Variants in UBE2E2 observed in about 807,000 individuals in gnomAD.
UBE2E2 encodes the protein ubiquitin conjugating enzyme E2 E2.
In UBE2E2, 6 loss-of-function variants were observed where a neutral mutation model predicts 24.7. The observed-to-expected ratio is 0.24, with a 90% CI of 0.13 to 0.48. UBE2E2 has a LOEUF of 0.48. Among genes scored for constraint, UBE2E2 ranks in the 20% least tolerant of loss-of-function variants. The pLI, the probability that UBE2E2 is intolerant of heterozygous loss-of-function variation, is 0.99. For synonymous variants in UBE2E2, 104 were observed against 83.6 expected (o/e 1.24, Z -1.33); for missense variants, 169 against 245.0 (o/e 0.69, Z 2.07).
At chr3:23,319,950 A>G (rs936986872) in intron 3 of UBE2E2, among the ~76,000 whole-genome samples, 1 of 152,162 alleles carries the variant, frequency 6.6e-6, no homozygotes, top group Non-Finnish European at 1.5e-5. Context: ...TGAGATCCCT[A>G]AGATCTGGCT....
At chr3:23,452,479 A>G (rs1698582602) in intron 3 of UBE2E2, among the ~76,000 whole-genome samples, 1 of 152,154 alleles carries the variant, frequency 6.6e-6, no homozygotes, top group African/African-American at 2.4e-5. Flanking sequence ...AAAATTTTTG[A>G]GAGACTTTAG....
chr3:23,398,595 G>A (rs1697137928), intron 3 of UBE2E2, among the ~76,000 whole-genome samples: 1 of 152,164 alleles, frequency 6.6e-6, no homozygotes, highest in African/African-American at 2.4e-5. Flanking sequence ...TTAAAGGAAT[G>A]TGTGTCTTAA....
At chr3:23,281,902 A>G (rs1327799988) in intron 3 of UBE2E2, among the ~76,000 whole-genome samples, 2 of 152,252 alleles carry the variant, frequency 1.3e-5, no homozygotes, top group East Asian at 1.9e-4. Flanking sequence ...GAAATAAAAC[A>G]TCAACTGCCA....
At chr3:23,342,187 G>GTTTT (rs71620774) in intron 3 of UBE2E2, among the ~76,000 whole-genome samples, 4 of 141,772 alleles carry the variant, frequency 2.8e-5, no homozygotes, top group Admixed American at 7.1e-5. Flanking sequence ...ATTTAGTTTA[G>GTTTT]TTTTTTTTTT....
Position 23,589,713 on chromosome 3 carries a change from C to A in UBE2E2, c.509-21C>A. 3 of 1,613,328 alleles carry A rather than the reference C, an allele frequency of 1.9e-6. No homozygotes were observed. The highest frequency in any genetic ancestry group is 1.3e-5 in the African/African-American group (1 of 75,016). On this transcript the variant is annotated intron_variant, in intron 5 of 5. Transcript: ENST00000396703. This position sits in a 1 kb window ranked among gnomAD's most constrained non-coding sequence, Gnocchi z 4.1. ...CCACAGTGCTGGTATTTACTGACTC[C>A]CAACTCTGCTTTCCTTGCAGCTGAC...
At chr3:23,502,067 A>T (rs1292454670) in intron 4 of UBE2E2, among the ~76,000 whole-genome samples, 1 of 152,140 alleles carries the variant, frequency 6.6e-6, no homozygotes, top group Admixed American at 6.5e-5. Context: ...GGGAGAAAAA[A>T]CTTGGGGTGT....
chr3:23,533,683 G>A (rs1330867272), intron 5 of UBE2E2, among the ~76,000 whole-genome samples: 1 of 137,932 alleles, frequency 7.2e-6, no homozygotes, highest in Non-Finnish European at 1.5e-5. Flanking sequence ...GAGTGCAGTG[G>A]CACGATCTTG....
intron 3 of UBE2E2, among the ~76,000 whole-genome samples, chr3:23,312,331 TAATAATCATATCAGGGTA>T (rs1694429267): frequency 6.6e-6 from 1 of 152,198 alleles, no homozygotes; most frequent in Admixed American, 6.6e-5. Context: ...ATACAATGCA[TAATAATCATATCAGGGTA>T]AATGTATTCC....
intron 3 of UBE2E2, among the ~76,000 whole-genome samples, chr3:23,332,591 A>C (rs1695086977): frequency 6.6e-6 from 1 of 152,154 alleles, no homozygotes; most frequent in Non-Finnish European, 1.5e-5. Flanking sequence ...AACGAAAGAA[A>C]ATAATTGTGA....
intron 3 of UBE2E2, among the ~76,000 whole-genome samples, chr3:23,223,033 T>C (rs1696703068): frequency 7.5e-6 from 1 of 133,128 alleles, no homozygotes; most frequent in South Asian, 3.0e-4. Flanking sequence ...CCCTTTTTTT[T>C]TTTTTTTGAG....
intron 3 of UBE2E2, among the ~76,000 whole-genome samples, chr3:23,428,088 C>G (rs1185004977): frequency 6.6e-6 from 1 of 152,198 alleles, no homozygotes; most frequent in East Asian, 1.9e-4. Flanking sequence ...AATCCGTTTA[C>G]TACATTATAC....
At chr3:23,318,926 C>T (rs1207557535) in intron 3 of UBE2E2, among the ~76,000 whole-genome samples, 1 of 152,174 alleles carries the variant, frequency 6.6e-6, no homozygotes, top group Non-Finnish European at 1.5e-5. Context: ...AAATTAATTT[C>T]TCTTTACATA....
At chr3:23,570,113 C>T (rs1470197099) in intron 5 of UBE2E2, among the ~76,000 whole-genome samples, 1 of 152,176 alleles carries the variant, frequency 6.6e-6, no homozygotes, top group Non-Finnish European at 1.5e-5. Context: ...TATCTTCTTT[C>T]TACTCCATCA....
intron 3 of UBE2E2, among the ~76,000 whole-genome samples, chr3:23,348,013 AAG>A (rs1053345646): frequency 7.8e-4 from 119 of 152,318 alleles, no homozygotes; most frequent in African/African-American, 2.5e-3. Flanking sequence ...TAATAAAAAA[AAG>A]AAGGGGTTCA....
In UBE2E2 at chr3:23,543,143, G is replaced by C. The variant is rs138989589; in HGVS notation, c.508+10442G>C. On this transcript the variant is annotated intron_variant, in intron 5 of 5. Transcript: ENST00000396703. Reference sequence around the variant, plus strand: ...AGCCTAGGCAACAAAGTGAGACCCTGTCGCTACAAAACATAACAAACACTT... The same window carrying C: ...AGCCTAGGCAACAAAGTGAGACCCTCTCGCTACAAAACATAACAAACACTT... 2.5e-3 allele frequency among the ~76,000 whole-genome samples: 382 copies of C among 152,192 alleles called. 4 individuals carry two copies. The highest frequency in any genetic ancestry group is 8.8e-3 in the African/African-American group (366 of 41,528).
intron 5 of UBE2E2, among the ~76,000 whole-genome samples, chr3:23,582,594 A>T (rs371422912): frequency 6.6e-6 from 1 of 152,338 alleles, no homozygotes; most frequent in African/African-American, 2.4e-5. Context: ...AATAATGGTC[A>T]TTCTGACTGG....
At chr3:23,528,783 G>A (rs1001980622) in intron 4 of UBE2E2, among the ~76,000 whole-genome samples, 25 of 152,142 alleles carry the variant, frequency 1.6e-4, no homozygotes, top group African/African-American at 5.8e-4. Flanking sequence ...GGGTCTTAAG[G>A]GGGATTCCTT....
chr3:23,208,239 A>G (rs1696206028), intron 1 of UBE2E2, among the ~76,000 whole-genome samples: 2 of 152,100 alleles, frequency 1.3e-5, no homozygotes, highest in Admixed American at 1.3e-4. Context: ...TGTTCAGGAC[A>G]TTTCATATAA....
At chr3:23,433,798 C>T (rs559195799) in intron 3 of UBE2E2, among the ~76,000 whole-genome samples, 125 of 151,886 alleles carry the variant, frequency 8.2e-4, no homozygotes, top group South Asian at 2.1e-3. Flanking sequence ...TTTACAACTT[C>T]CAAGAAAAGC....
Sources: gnomAD v4.1 joint callset for allele counts (sites outside exome capture counted in the v4.1 genomes callset) on GRCh38, gnomAD v4.1.1 for gene constraint, Gnocchi (gnomAD v3.1) non-coding constraint, MANE v1.5 for transcripts, NCBI Gene and HGNC (gene_info 2026-07-23, HGNC 2026-07-21) for gene names.